The following ABCA9 variants were observed in gnomAD, a reference collection of about 807,000 sequenced individuals.
ABCA9 encodes the protein ATP binding cassette subfamily A member 9.
ABCA9 carries 183 observed loss-of-function variants against 205.3 expected under a neutral mutation model. The observed-to-expected ratio is 0.89, with a 90% CI of 0.79 to 1.01. ABCA9 has a LOEUF of 1.01. ABCA9 is among the 50% of genes least tolerant of loss of function. ABCA9 has a pLI of 0.00. For missense variants in ABCA9, 1,805 were observed against 1,912.4 expected, an observed-to-expected ratio of 0.94 and a Z score of 1.05; for synonymous variants, 651 against 683.3, an observed-to-expected ratio of 0.95 and a Z score of 0.74.
At chr17:69,026,282 G>T (rs906451607) in intron 16 of ABCA9, 95 bp downstream of exon 16, 1 of 937,430 alleles carries the variant, frequency 1.1e-6, no homozygotes, top group Non-Finnish European at 1.7e-6. Flanking sequence ...TGAACTTAGT[G>T]GTTATAGGGC....
intron 6 of ABCA9, among the ~76,000 whole-genome samples, chr17:69,041,435 G>A (rs548531703): frequency 9.3e-4 from 142 of 152,028 alleles, no homozygotes; most frequent in African/African-American, 3.3e-3. Context: ...CTGGGGTGGC[G>A]GCTCACACCT....
chr17:69,028,097 A>T (rs912003436), intron 12 of ABCA9, among the ~76,000 whole-genome samples: 2 of 152,230 alleles, frequency 1.3e-5, no homozygotes, highest in African/African-American at 4.8e-5. Flanking sequence ...ATAAAAGAAT[A>T]AGAAAAACTT....
At position 69,037,743 on chromosome 17, in the gene ABCA9, T is replaced by C. The variant is rs778177686; in HGVS notation, c.801-1942A>G. ...AGCAGAACTGAAGGGGATAGAGACA[T>C]GAAAAACCCTGCAAAAAAAATCAAT... On this transcript the variant is annotated intron_variant, in intron 6 of 38. Transcript: ENST00000340001. Among the ~76,000 whole-genome samples, 89 of 150,976 alleles carry C rather than the reference T, an allele frequency of 5.9e-4. 1 individual carries two copies. Among genetic ancestry groups the C allele is most frequent in the Non-Finnish European group, 1.3e-4 (9 of 67,628 alleles).
chr17:68,996,503 G>A (rs1256909705), intron 25 of ABCA9, among the ~76,000 whole-genome samples: 1 of 152,142 alleles, frequency 6.6e-6, no homozygotes, highest in Non-Finnish European at 1.5e-5. Flanking sequence ...TTTATGTATG[G>A]ACACTTTTAG....
intron 22 of ABCA9, among the ~76,000 whole-genome samples, chr17:69,014,691 C>T (rs1340154279): frequency 6.6e-6 from 1 of 151,832 alleles, no homozygotes; most frequent in Non-Finnish European, 1.5e-5. Flanking sequence ...CCTTCACATC[C>T]CCAAACCTCT....
At chr17:69,004,981 C>G (rs945240998) in intron 25 of ABCA9, among the ~76,000 whole-genome samples, 2 of 152,190 alleles carry the variant, frequency 1.3e-5, no homozygotes, top group South Asian at 2.1e-4. Flanking sequence ...TGCTTCGGCT[C>G]GTGCATGGTG....
intron 23 of ABCA9, among the ~76,000 whole-genome samples, chr17:69,008,544 C>T (rs896044733): frequency 1.3e-5 from 2 of 152,188 alleles, no homozygotes; most frequent in Non-Finnish European, 2.9e-5. Context: ...TTTCCTTCGA[C>T]GTGAAAACTT....
intron 1 of ABCA9, among the ~76,000 whole-genome samples, chr17:69,055,450 T>C (rs1008298922): frequency 5.9e-5 from 9 of 152,096 alleles, no homozygotes; most frequent in Non-Finnish European, 1.3e-4. Context: ...TACATAAAGT[T>C]AAAGGGGTCA....
chr17:68,988,748 T>A (rs1481617281), intron 31 of ABCA9, among the ~76,000 whole-genome samples: 1 of 152,216 alleles, frequency 6.6e-6, no homozygotes, highest in Non-Finnish European at 1.5e-5. Flanking sequence ...GTTCATGGGA[T>A]GCATAAATCA....
chr17:69,049,098 A>T (rs566334101), intron 3 of ABCA9, among the ~76,000 whole-genome samples, 185 bp downstream of exon 3: 1 of 152,182 alleles, frequency 6.6e-6, no homozygotes, highest in African/African-American at 2.4e-5. Flanking sequence ...TTTAATATGG[A>T]ATTTCCTAAA....
intron 23 of ABCA9, among the ~76,000 whole-genome samples, chr17:69,010,721 C>T (rs917564117): frequency 4.0e-5 from 6 of 151,684 alleles, no homozygotes; most frequent in South Asian, 2.1e-4. Flanking sequence ...ACTTAGACCA[C>T]GAAGAAAATA....
intron 22 of ABCA9, among the ~76,000 whole-genome samples, chr17:69,012,578 A>C (rs1016214255): frequency 4.6e-5 from 7 of 151,958 alleles, no homozygotes; most frequent in Non-Finnish European, 8.8e-5. Flanking sequence ...TACAAGCCTT[A>C]ATTTTGAAAA....
intron 18 of ABCA9, among the ~76,000 whole-genome samples, 185 bp downstream of exon 18, chr17:69,021,557 T>C (rs2070808153): frequency 6.6e-6 from 1 of 152,142 alleles, no homozygotes; most frequent in Non-Finnish European, 1.5e-5. Flanking sequence ...CAGAGATATA[T>C]TTCTTCTCTA....
rs2070229851 is a variant in ABCA9 at position 69,008,248 on chromosome 17, T to G, written c.3148-13A>C. ...AATGAGCTTTTTTCTGATAAAGAAA[T>G]AGAAGAATCATCAAAAGGTTCTGAA... On this transcript the variant is annotated splice_polypyrimidine_tract_variant and intron_variant, in intron 23 of 38. Coordinates refer to ENST00000340001, the MANE Select transcript of ABCA9 (RefSeq NM_080283.4). 6.2e-7 allele frequency: 1 copy of G among 1,610,222 alleles called. No individual in the cohort carries two copies. Among genetic ancestry groups the G allele is most frequent in the East Asian group, 2.2e-5 (1 of 44,850 alleles).
chr17:68,989,013 T>C lies in ABCA9; in HGVS notation c.4047+14A>G, dbSNP rs749776720. On this transcript the variant is annotated intron_variant, in intron 31 of 38. Transcript: ENST00000340001. ...GGTAGCACTAATGACCATATTCCTGTACGTTTTACTGACCTGTCCTGCAGT... is the reference window on the plus strand; with the variant it reads ...GGTAGCACTAATGACCATATTCCTGCACGTTTTACTGACCTGTCCTGCAGT... 3.2e-6 allele frequency: 5 copies of C among 1,549,712 alleles called. No homozygotes were observed. Among genetic ancestry groups the C allele is most frequent in the Non-Finnish European group, 4.5e-6 (5 of 1,122,370 alleles).
At chr17:69,045,913 T>C (rs768317144) in intron 3 of ABCA9, among the ~76,000 whole-genome samples, 30 of 152,240 alleles carry the variant, frequency 2.0e-4, no homozygotes, top group Admixed American at 5.9e-4. Flanking sequence ...CAATTCAAGA[T>C]AAAATTTTGG....
At chr17:68,976,924 A>C (rs924407972) in intron 37 of ABCA9, among the ~76,000 whole-genome samples, 1 of 152,230 alleles carries the variant, frequency 6.6e-6, no homozygotes, top group Non-Finnish European at 1.5e-5. Context: ...AATGAATGGA[A>C]AAATGAGACT....
At chr17:68,991,290 G>A (rs1323027028) in intron 28 of ABCA9, among the ~76,000 whole-genome samples, 1 of 152,170 alleles carries the variant, frequency 6.6e-6, no homozygotes, top group Non-Finnish European at 1.5e-5. Flanking sequence ...AGGAACTATA[G>A]TTTTGACAAC....
In ABCA9 at chr17:69,018,608, A is replaced by C. The variant is rs1398047698; in HGVS notation, c.2601-29T>G. Reference sequence around the variant, plus strand: ...TGCAGAGGAAAATGTAAAAGAAAAAAATAATTTTAGCAACTTTTGTGGGTT... The same window carrying C: ...TGCAGAGGAAAATGTAAAAGAAAAACATAATTTTAGCAACTTTTGTGGGTT... On this transcript the variant is annotated intron_variant, in intron 19 of 38. Transcript: ENST00000340001. 4.6e-6 allele frequency: 7 copies of C among 1,523,096 alleles called. 1 individual carries two copies. The South Asian group carries it at 9.2e-5, about 20-fold the overall frequency. 94.3% of individuals were successfully genotyped at this position (1,523,096 alleles called of 1,614,324 possible).
Sources: gnomAD v4.1 joint callset for allele counts (sites outside exome capture counted in the v4.1 genomes callset) on GRCh38, gnomAD v4.1.1 for gene constraint, MANE v1.5 for transcripts, NCBI Gene and HGNC (gene_info 2026-07-23, HGNC 2026-07-21) for gene names.